CCNY: variants seen among roughly 807,000 people sequenced by gnomAD.
CCNY encodes cyclin Y, also known as cyclin-Y.
In CCNY, 19 loss-of-function variants were observed where a neutral mutation model predicts 42.8. That is an observed-to-expected ratio of 0.44 (90% CI 0.31 to 0.65). The LOEUF is 0.65. Ranked by LOEUF, CCNY falls within the 30% of genes least tolerant of loss-of-function variation. CCNY has a pLI of 0.07. For synonymous variants in CCNY, 165 were observed against 162.7 expected (o/e 1.01, Z -0.11); for missense variants, 370 against 437.3 (o/e 0.85, Z 1.37).
intron 1 of CCNY, among the ~76,000 whole-genome samples, chr10:35,481,350 G>A (rs938466235): frequency 1.3e-5 from 2 of 152,226 alleles, no homozygotes; most frequent in African/African-American, 4.8e-5. Context: ...CAGGCAGTTA[G>A]GGGATTGTCT....
intron 1 of CCNY, among the ~76,000 whole-genome samples, chr10:35,475,331 A>G (rs1839483393): frequency 6.6e-6 from 1 of 152,192 alleles, no homozygotes; most frequent in Admixed American, 6.5e-5. Flanking sequence ...CAAGACACAT[A>G]ATTTTCAAAT....
chr10:35,312,202 CCTGTCTTTA>C (rs963219826), intron 3 of CCNY, among the ~76,000 whole-genome samples: 3 of 151,582 alleles, frequency 2.0e-5, no homozygotes, highest in Non-Finnish European at 4.4e-5. Context: ...ACGGTGAAAC[CCTGTCTTTA>C]CTAAAAACAC....
At chr10:35,341,096 G>A (rs911160140) in intron 1 of CCNY, among the ~76,000 whole-genome samples, 1 of 152,180 alleles carries the variant, frequency 6.6e-6, no homozygotes, top group African/African-American at 2.4e-5. Context: ...AAAAACGGCA[G>A]TGACTCGTTA....
intron 3 of CCNY, among the ~76,000 whole-genome samples, chr10:35,290,576 A>G (rs1405670197): frequency 3.3e-5 from 5 of 152,250 alleles, no homozygotes; most frequent in African/African-American, 1.2e-4. Context: ...TAAAATTCAC[A>G]TACTATACAA....
intron 2 of CCNY, 122 bp from the exon 3 acceptor site, chr10:35,501,379 G>A: frequency 2.6e-6 from 2 of 757,678 alleles, no homozygotes. Flanking sequence ...TGATAAATGA[G>A]CAAGTGGGTA....
rs563762704 is a variant in CCNY at position 35,407,159 on chromosome 10, C to T, written c.154+69952C>T. Among the ~76,000 whole-genome samples the T allele has an allele frequency of 5.3e-5, 8 of 152,254 alleles. No individual in the cohort carries two copies. The East Asian group carries it at 1.5e-3, about 29-fold the overall frequency. ...ATTATGCCTTTAGCTCCAGCCACCT[C>T]TTTAAGAGGAAATTGTTGGGCAGGT... On this transcript the variant is annotated intron_variant, in intron 1 of 9. Coordinates refer to ENST00000374704, the MANE Select transcript of CCNY (RefSeq NM_145012.6).
At chr10:35,277,634 T>C (rs748061307) in intron 3 of CCNY, among the ~76,000 whole-genome samples, 5 of 152,192 alleles carry the variant, frequency 3.3e-5, no homozygotes, top group Non-Finnish European at 5.9e-5. Context: ...TTAGCAATAA[T>C]CAGAAACTTA....
chr10:35,263,372 A>AG (rs1221827737), intron 3 of CCNY, among the ~76,000 whole-genome samples: 1 of 149,978 alleles, frequency 6.7e-6, no homozygotes, highest in African/African-American at 2.4e-5. Context: ...AAAAAAAAAA[A>AG]AAAAAAAAAA....
At chr10:35,482,441 T>C (rs2135365517) in intron 1 of CCNY, among the ~76,000 whole-genome samples, 1 of 152,322 alleles carries the variant, frequency 6.6e-6, no homozygotes, top group Non-Finnish European at 1.5e-5. Flanking sequence ...GGAATCAGTT[T>C]TTTGTTTTTT....
intron 3 of CCNY, among the ~76,000 whole-genome samples, chr10:35,507,790 CA>C (rs1840244288): frequency 3.1e-5 from 2 of 65,180 alleles, no homozygotes; most frequent in Admixed American, 2.4e-4. Flanking sequence ...AATACAGGGC[CA>C]GTTTTTTTTT....
At chr10:35,415,971 A>T (rs1163654365) in intron 1 of CCNY, among the ~76,000 whole-genome samples, 4 of 152,192 alleles carry the variant, frequency 2.6e-5, no homozygotes, top group Non-Finnish European at 4.4e-5. Flanking sequence ...GGTGTATTGG[A>T]TGTCAGGAAG....
At chr10:35,252,113 A>C (rs751888637) in intron 3 of CCNY, among the ~76,000 whole-genome samples, 1 of 152,166 alleles carries the variant, frequency 6.6e-6, no homozygotes, top group Non-Finnish European at 1.5e-5. Flanking sequence ...ATAAGATTTT[A>C]ATTGTCTATA....
intron 1 of CCNY, chr10:35,394,981 C>T: frequency 3.3e-6 from 1 of 299,062 alleles, no homozygotes; most frequent in Non-Finnish European, 4.9e-6. Context: ...TTCCCACCCT[C>T]CCCCGCCCCA....
At chr10:35,327,536 T>C (rs1835893894) in intron 3 of CCNY, 1 of 152,348 alleles carries the variant, frequency 6.6e-6, no homozygotes, top group Non-Finnish European at 1.5e-5. Flanking sequence ...ATTTTGTGAA[T>C]GGAGAAAACT....
chr10:35,400,943 G>T (rs918701089), intron 1 of CCNY, among the ~76,000 whole-genome samples: 1 of 152,088 alleles, frequency 6.6e-6, no homozygotes, highest in African/African-American at 2.4e-5. Flanking sequence ...TTTTTTTTGA[G>T]AGAGAAATAG....
intron 3 of CCNY, among the ~76,000 whole-genome samples, chr10:35,264,731 T>G (rs1315934085): frequency 6.6e-6 from 1 of 152,154 alleles, no homozygotes. Context: ...CTCGGGTCAC[T>G]GCAACCTCAG....
At chr10:35,546,867 A>G (rs1270507128) in intron 7 of CCNY, among the ~76,000 whole-genome samples, 1 of 152,204 alleles carries the variant, frequency 6.6e-6, no homozygotes, top group Non-Finnish European at 1.5e-5. Flanking sequence ...AGCTTTTTGT[A>G]TTGAGCCAGT....
At chr10:35,562,120 T>A (rs1439401354) in intron 8 of CCNY, among the ~76,000 whole-genome samples, 1 of 152,186 alleles carries the variant, frequency 6.6e-6, no homozygotes, top group Non-Finnish European at 1.5e-5. Context: ...CACCTCGAGG[T>A]TTGTCTGTTT....
intron 1 of CCNY, among the ~76,000 whole-genome samples, chr10:35,378,627 T>TG (rs1837107001): frequency 6.6e-6 from 1 of 152,012 alleles, no homozygotes. Context: ...AGCTGAGTGT[T>TG]GGGCGAGGGA....
Sources: allele counts gnomAD v4.1 joint callset (sites outside exome capture counted in the v4.1 genomes callset), GRCh38; gene constraint gnomAD v4.1.1; transcripts MANE v1.5; gene names NCBI Gene and HGNC (gene_info 2026-07-23, HGNC 2026-07-21).